PLXNA4: variants seen among roughly 807,000 people sequenced by gnomAD.
The protein encoded by PLXNA4 is plexin-A4.
Under a neutral mutation model 191.8 loss-of-function variants are expected in PLXNA4, and 44 were observed. The ratio of observed to expected loss-of-function variants is 0.23; its 90% CI spans 0.18 to 0.29. The LOEUF (loss-of-function observed/expected upper bound fraction) is 0.29. Among genes scored for constraint, PLXNA4 ranks in the 10% least tolerant of loss-of-function variants. The probability of loss-of-function intolerance (pLI) is 1.00; values close to 1 mark genes in which losing one functional copy is unlikely to be tolerated. For missense variants in PLXNA4, 1,800 were observed against 2,488.8 expected (o/e 0.72, Z 5.89); for synonymous variants, 1,082 against 1,009.5 (o/e 1.07, Z -1.36).
At chr7:132,241,413 A>C (rs1300386612) in intron 4 of PLXNA4, among the ~76,000 whole-genome samples, 1 of 152,212 alleles carries the variant, frequency 6.6e-6, no homozygotes, top group Non-Finnish European at 1.5e-5. Flanking sequence ...GACTCCATAC[A>C]GTCCATACTA....
At chr7:132,347,101 A>G (rs549003645) in intron 3 of PLXNA4, among the ~76,000 whole-genome samples, 7 of 152,316 alleles carry the variant, frequency 4.6e-5, no homozygotes, top group Non-Finnish European at 7.3e-5. Flanking sequence ...TAATACAATA[A>G]GGCAAATAGA....
intron 4 of PLXNA4, among the ~76,000 whole-genome samples, chr7:132,290,738 A>G (rs544577027): frequency 6.6e-6 from 1 of 152,254 alleles, no homozygotes; most frequent in Admixed American, 6.5e-5. Context: ...GAAACGTAAC[A>G]CGGCTCTGAA....
intron 3 of PLXNA4, among the ~76,000 whole-genome samples, chr7:132,372,424 C>A (rs1453882080): frequency 1.3e-5 from 2 of 152,222 alleles, no homozygotes; most frequent in Non-Finnish European, 2.9e-5. Context: ...TTGAAGGAGT[C>A]CCTCCTGTTC....
At chr7:132,299,573 C>T (rs1459800520) in intron 3 of PLXNA4, among the ~76,000 whole-genome samples, 1 of 152,186 alleles carries the variant, frequency 6.6e-6, no homozygotes, top group Non-Finnish European at 1.5e-5. Context: ...TATTTTCAAG[C>T]TTCATGGACA....
At chr7:132,342,217 T>G (rs890061821) in intron 3 of PLXNA4, among the ~76,000 whole-genome samples, 2 of 149,398 alleles carry the variant, frequency 1.3e-5, no homozygotes, top group Middle Eastern at 3.4e-3. Context: ...AAATAAAGCC[T>G]GTAAGACATT....
chr7:132,223,708 C>T, intron 8 of PLXNA4, 67 bp from the exon 9 acceptor site: 1 of 1,292,866 alleles, frequency 7.7e-7, no homozygotes, highest in Non-Finnish European at 1.1e-6. Context: ...GGGCTTGAGT[C>T]TCTATGGTCT....
chr7:132,510,951 A>G (rs951840640), intron 1 of PLXNA4, among the ~76,000 whole-genome samples: 4 of 152,240 alleles, frequency 2.6e-5, no homozygotes, highest in African/African-American at 9.6e-5. Context: ...TGTTGAAGAC[A>G]GAAATGAAAT....
chr7:132,425,727 G>A (rs1795016222), intron 3 of PLXNA4, among the ~76,000 whole-genome samples: 1 of 152,232 alleles, frequency 6.6e-6, no homozygotes, highest in Non-Finnish European at 1.5e-5. Flanking sequence ...AGAGAAGAAA[G>A]AAACATTTGA....
intron 3 of PLXNA4, among the ~76,000 whole-genome samples, chr7:132,344,741 A>G (rs1175529931): frequency 1.3e-5 from 2 of 152,186 alleles, no homozygotes; most frequent in Admixed American, 6.5e-5. Flanking sequence ...AAGTGTTGTC[A>G]TGTCACTTCT....
At chr7:132,485,639 T>C (rs888873706) in intron 3 of PLXNA4, among the ~76,000 whole-genome samples, 1 of 152,176 alleles carries the variant, frequency 6.6e-6, no homozygotes, top group Non-Finnish European at 1.5e-5. Context: ...TGCCTTATGA[T>C]TTTTACCTAT....
chr7:132,463,023 T>C (rs1369364233), intron 3 of PLXNA4, among the ~76,000 whole-genome samples: 2 of 151,990 alleles, frequency 1.3e-5, no homozygotes, highest in African/African-American at 4.8e-5. Context: ...CTAACTTCTA[T>C]ATTTTTAGTA....
chr7:132,345,208 A>G (rs1803198527), intron 3 of PLXNA4, among the ~76,000 whole-genome samples: 7 of 152,334 alleles, frequency 4.6e-5, no homozygotes, highest in Admixed American at 4.6e-4. Context: ...ACTTTGGCAA[A>G]CATTAGAACC....
chr7:132,130,305 A>G lies in PLXNA4; in HGVS notation c.*174T>C. On this transcript the variant is annotated 3_prime_UTR_variant, in exon 32 of 32. Coordinates refer to ENST00000321063, the MANE Select transcript of PLXNA4 (RefSeq NM_020911.2). Reference sequence around the variant, plus strand: ...GTGTTGGCAGAGCAACTGGAAGAGAAGAGATCCAGGAAGGAGGGAGAAACG... The same window carrying G: ...GTGTTGGCAGAGCAACTGGAAGAGAGGAGATCCAGGAAGGAGGGAGAAACG... 1 of 892,780 alleles carries G rather than the reference A, an allele frequency of 1.1e-6. No individual in the cohort carries two copies. Among genetic ancestry groups the G allele is most frequent in the Non-Finnish European group, 1.7e-6 (1 of 599,222 alleles). The allele number at this position is 892,780 out of a possible 1,614,324, so 55.3% of individuals were successfully genotyped here.
chr7:132,220,120 A>G (rs898397507), intron 9 of PLXNA4, among the ~76,000 whole-genome samples: 1 of 152,240 alleles, frequency 6.6e-6, no homozygotes, highest in South Asian at 2.1e-4. Context: ...ACAACAACAT[A>G]AAAAAATCCT....
intron 2 of PLXNA4, among the ~76,000 whole-genome samples, chr7:132,604,186 C>T (rs1056137359): frequency 6.6e-6 from 1 of 152,122 alleles, no homozygotes; most frequent in East Asian, 1.9e-4. Context: ...ATATGCATGC[C>T]TTTCCCCAAG....
At chr7:132,229,377 C>T (rs922870482) in intron 5 of PLXNA4, among the ~76,000 whole-genome samples, 1 of 152,154 alleles carries the variant, frequency 6.6e-6, no homozygotes, top group Non-Finnish European at 1.5e-5. Flanking sequence ...ATGGAACTCT[C>T]CTGAAATGCA....
At chr7:132,486,571 C>T (rs992642948) in intron 3 of PLXNA4, among the ~76,000 whole-genome samples, 7 of 152,206 alleles carry the variant, frequency 4.6e-5, no homozygotes, top group South Asian at 2.1e-4. Context: ...AAAGTTTGGC[C>T]GCCCCAGTGG....
chr7:132,204,469 G>A (rs1341323695), intron 10 of PLXNA4, among the ~76,000 whole-genome samples: 1 of 152,240 alleles, frequency 6.6e-6, no homozygotes, highest in Non-Finnish European at 1.5e-5. Flanking sequence ...TTCTGCATGG[G>A]AGGGGCTGAG....
At chr7:132,500,720 G>A (rs1486657206) in intron 2 of PLXNA4, among the ~76,000 whole-genome samples, 2 of 152,178 alleles carry the variant, frequency 1.3e-5, no homozygotes, top group Admixed American at 6.5e-5. Flanking sequence ...AGATGTTTGA[G>A]TGTCCTATGA....
Sources: allele counts gnomAD v4.1 joint callset (sites outside exome capture counted in the v4.1 genomes callset), GRCh38; gene constraint gnomAD v4.1.1; transcripts MANE v1.5; gene names NCBI Gene and HGNC (gene_info 2026-07-23, HGNC 2026-07-21).